PTAR1: variants seen among roughly 807,000 people sequenced by gnomAD.
The protein encoded by PTAR1 is protein prenyltransferase alpha subunit repeat containing 1.
In PTAR1, 17 loss-of-function variants were observed where a neutral mutation model predicts 45.5. The observed-to-expected ratio is 0.37, with a 90% CI of 0.26 to 0.56. The LOEUF is 0.56. PTAR1 is among the 20% of genes least tolerant of loss of function. The pLI, the probability that PTAR1 is intolerant of heterozygous loss-of-function variation, is 0.77. For missense variants in PTAR1, 391 were observed against 476.3 expected (o/e 0.82, Z 1.67); for synonymous variants, 169 against 171.3 (o/e 0.99, Z 0.11).
rs951772289 is a variant in PTAR1, at chr9:69,714,458, T to C, written c.*3884A>G. ...GTGGTATCTGCCATCTTGTGCTATG[T>C]AAGAGAAAATTATTAAACTGACAAT... On this transcript the variant is annotated 3_prime_UTR_variant, in exon 8 of 8. Coordinates refer to ENST00000340434, the MANE Select transcript of PTAR1 (RefSeq NM_001099666.2). 6.6e-6 allele frequency: 1 copy of C among 152,106 alleles called. No homozygotes were observed. The highest frequency in any genetic ancestry group is 6.6e-5 in the Admixed American group (1 of 15,240). The allele number at this position is 152,106 out of a possible 1,614,324, so 9.4% of individuals were successfully genotyped here. A position where few individuals can be genotyped will look rare whatever the true frequency, so the allele number is the denominator to read the frequency against.
At chr9:69,723,988 C>T (rs1410479258) in intron 5 of PTAR1, among the ~76,000 whole-genome samples, 7 of 151,982 alleles carry the variant, frequency 4.6e-5, no homozygotes, top group African/African-American at 1.2e-4. Context: ...GTAATGCTGA[C>T]GTAAAAGCAA....
intron 5 of PTAR1, among the ~76,000 whole-genome samples, chr9:69,731,774 AG>A (rs1463565880): frequency 2.5e-5 from 2 of 80,450 alleles, no homozygotes; most frequent in Non-Finnish European, 3.6e-5. Context: ...AAAGACAGCC[AG>A]CTGACTTAGT....
At chr9:69,759,553 G>A (rs903468002) in intron 1 of PTAR1, among the ~76,000 whole-genome samples, 4 of 152,192 alleles carry the variant, frequency 2.6e-5, no homozygotes, top group Non-Finnish European at 5.9e-5. Context: ...TCGACCTACG[G>A]GGGACGTCTC....
chr9:69,720,790 T>G (rs1307801561), intron 6 of PTAR1, among the ~76,000 whole-genome samples: 1 of 152,204 alleles, frequency 6.6e-6, no homozygotes, highest in Non-Finnish European at 1.5e-5. Context: ...CTAAGTCTAC[T>G]CTGCCTGTAT....
Position 69,718,240 on chromosome 9 carries a change from A to T in PTAR1, c.*102T>A. 2.7e-6 allele frequency: 2 copies of T among 749,350 alleles called. No homozygotes were observed. The highest frequency in any genetic ancestry group is 4.2e-6 in the Non-Finnish European group (2 of 476,436). The allele number at this position is 749,350 out of a possible 1,614,324, so 46.4% of individuals were successfully genotyped here. A position where few individuals can be genotyped will look rare whatever the true frequency, so the allele number is the denominator to read the frequency against. On this transcript the variant is annotated 3_prime_UTR_variant, in exon 8 of 8. Transcript: ENST00000340434. ...CTTTCAACCTAAAGACGAAGAACAT[A>T]TGGTTAGCCAATAATAGTAAACAGT...
chr9:69,721,298 G>A (rs1295970196), intron 6 of PTAR1, among the ~76,000 whole-genome samples: 1 of 152,142 alleles, frequency 6.6e-6, no homozygotes, highest in Non-Finnish European at 1.5e-5. Flanking sequence ...GAAATTGCAA[G>A]ACAACTAGAA....
chr9:69,745,007 C>T (rs1016767935), intron 2 of PTAR1, among the ~76,000 whole-genome samples: 1 of 152,156 alleles, frequency 6.6e-6, no homozygotes, highest in Non-Finnish European at 1.5e-5. Context: ...CTCTTGGAAC[C>T]TCAGTGAAAC....
In PTAR1 at chr9:69,730,877, ATCTC is replaced by A. The variant is rs145270139; in HGVS notation, c.642+1258_642+1261del. On this transcript the variant is annotated intron_variant, in intron 5 of 7. Transcript: ENST00000340434. ...AGAGAAAGGAACTAAAATCGAGTGA[ATCTC>A]TCTCTATTAGATGCCCAGTAATTTA... 4.9e-3 allele frequency among the ~76,000 whole-genome samples: 745 copies of A among 152,198 alleles called. 8 individuals are homozygous for A. The highest frequency in any genetic ancestry group is 0.017 in the African/African-American group (692 of 41,528).
intron 3 of PTAR1, among the ~76,000 whole-genome samples, chr9:69,734,653 T>C (rs540872740): frequency 2.0e-4 from 31 of 152,240 alleles, no homozygotes; most frequent in African/African-American, 7.2e-4. Flanking sequence ...TCTAGTTTCC[T>C]AAATAGGACT....
Position 69,723,708 on chromosome 9 carries a change from CTT to C in PTAR1, c.643-80_643-79del. The C allele has an allele frequency of 2.7e-6, 3 of 1,119,536 alleles. No homozygotes were observed. In the South Asian group the frequency reaches 4.6e-5, roughly 17 times the overall value. 69.4% of individuals were successfully genotyped at this position (1,119,536 alleles called of 1,614,324 possible). ...TTCTCCATTATTGCCTCTGATTTCT[CTT>C]TGATTTGTTCCTTTTTTGACAAGAC... On this transcript the variant is annotated intron_variant, in intron 5 of 7. Transcript: ENST00000340434.
rs558897725 is a variant in PTAR1 at position 69,749,142 on chromosome 9, A to G, written c.256+1639T>C. ...GTAAGAAGACACAGCAAAGCCTGCAATAGTGTCCAGAAGGACAAAAACAGA... is the reference window on the plus strand; with the variant it reads ...GTAAGAAGACACAGCAAAGCCTGCAGTAGTGTCCAGAAGGACAAAAACAGA... On this transcript the variant is annotated intron_variant, in intron 2 of 7. Coordinates refer to ENST00000340434, the MANE Select transcript of PTAR1 (RefSeq NM_001099666.2). 2.0e-5 allele frequency among the ~76,000 whole-genome samples: 3 copies of G among 152,318 alleles called. No individual in the cohort carries two copies. The South Asian group carries it at 6.2e-4, about 32-fold the overall frequency.
chr9:69,740,769 G>T (rs1826010645), intron 3 of PTAR1, among the ~76,000 whole-genome samples: 1 of 151,760 alleles, frequency 6.6e-6, no homozygotes, highest in Non-Finnish European at 1.5e-5. Flanking sequence ...GCAAATGCTA[G>T]AACAGTGCTG....
Position 69,718,270 on chromosome 9 carries a change from G to T in PTAR1, c.*72C>A. On this transcript the variant is annotated 3_prime_UTR_variant, in exon 8 of 8. Coordinates refer to ENST00000340434, the MANE Select transcript of PTAR1 (RefSeq NM_001099666.2). ...TAGCCAATAATAGTAAACAGTTCAT[G>T]CAACTATGTAAATAATAAAAGAAAG... 1.9e-6 allele frequency: 2 copies of T among 1,049,252 alleles called. No homozygotes were observed. Among genetic ancestry groups the T allele is most frequent in the Non-Finnish European group, 2.8e-6 (2 of 726,604 alleles). The allele number at this position is 1,049,252 out of a possible 1,614,324, so 65.0% of individuals were successfully genotyped here.
At position 69,723,523 on chromosome 9, in the gene PTAR1, T is replaced by G. The variant is rs1825123684; in HGVS notation, c.750A>C (p.Gln250His). Reference sequence around the variant, plus strand: ...CCATCACAGAACTGTCTATCACAGTTTGGCTAATCAAAGACTTAAGCAAAA... The same window carrying G: ...CCATCACAGAACTGTCTATCACAGTGTGGCTAATCAAAGACTTAAGCAAAA... The part of the protein sequence containing the change: ...RQFLLKSLIS[Q>H]TVIDSSVMEQ... Residue 250 changes from glutamine (Q) to histidine (H), a missense_variant, in exon 6 of 8, where the codon CAA becomes CAC. Gln to His is a conservative substitution (Grantham distance 24, BLOSUM62 0). Coordinates refer to ENST00000340434, the MANE Select transcript of PTAR1 (RefSeq NM_001099666.2). 6.2e-7 allele frequency: 1 copy of G among 1,613,888 alleles called. No homozygotes were observed. The highest frequency in any genetic ancestry group is 8.5e-7 in the Non-Finnish European group (1 of 1,179,828).
At chr9:69,720,614 G>T (rs10867952) in intron 6 of PTAR1, among the ~76,000 whole-genome samples, 43,358 of 152,046 alleles carry the variant, frequency 0.29, 7,633 homozygotes, top group Admixed American at 0.4. Context: ...CCCTTCTATT[G>T]AAAGATGCCA....
intron 5 of PTAR1, among the ~76,000 whole-genome samples, chr9:69,724,745 A>T (rs970873629): frequency 3.9e-5 from 6 of 152,224 alleles, no homozygotes; most frequent in African/African-American, 1.4e-4. Flanking sequence ...GCTTTAAGAT[A>T]TTTATTCATT....
At chr9:69,719,309 C>T (rs983635723) in intron 6 of PTAR1, among the ~76,000 whole-genome samples, 2 of 152,254 alleles carry the variant, frequency 1.3e-5, no homozygotes, top group Admixed American at 6.5e-5. Context: ...CCTGTTCTCC[C>T]TCCGAGGAGA....
At chr9:69,751,095 T>C (rs1337248520) in intron 1 of PTAR1, 145 bp from the exon 2 acceptor site, 1 of 631,006 alleles carries the variant, frequency 1.6e-6, no homozygotes, top group Non-Finnish European at 2.7e-6. Flanking sequence ...GATTGGTAGA[T>C]GCTAATAGTG....
At chr9:69,752,895 C>CTAAT (rs1826595622) in intron 1 of PTAR1, among the ~76,000 whole-genome samples, 1 of 151,992 alleles carries the variant, frequency 6.6e-6, no homozygotes, top group South Asian at 2.1e-4. Flanking sequence ...CTATACTTGA[C>CTAAT]TAATATATGA....
Sources: allele counts gnomAD v4.1 joint callset (sites outside exome capture counted in the v4.1 genomes callset), GRCh38; gene constraint gnomAD v4.1.1; transcripts MANE v1.5; gene names NCBI Gene and HGNC (gene_info 2026-07-23, HGNC 2026-07-21).